Variants in GPC5 observed in about 807,000 individuals in gnomAD.
GPC5 encodes the protein glypican-5.
A neutral mutation model predicts 53.9 loss-of-function variants in GPC5; 47 were observed. The ratio of observed to expected loss-of-function variants is 0.87; its 90% CI spans 0.69 to 1.11. GPC5 has a LOEUF of 1.11. Ranked by LOEUF, GPC5 falls within the 50% of genes most tolerant of loss-of-function variation. The pLI, the probability that GPC5 is intolerant of heterozygous loss-of-function variation, is 0.00. For synonymous variants in GPC5, 286 were observed against 263.3 expected (o/e 1.09, Z -0.84); for missense variants, 748 against 713.1 (o/e 1.05, Z -0.56).
chr13:91,969,563 A>G (rs549929069), intron 6 of GPC5, among the ~76,000 whole-genome samples: 1 of 152,308 alleles, frequency 6.6e-6, no homozygotes, highest in Admixed American at 6.5e-5. Context: ...CAAAGAGAAT[A>G]ATCAACAAAA....
chr13:92,637,477 G>A (rs1020849140), intron 7 of GPC5, among the ~76,000 whole-genome samples: 1 of 152,178 alleles, frequency 6.6e-6, no homozygotes, highest in Non-Finnish European at 1.5e-5. Flanking sequence ...AGCATCATAA[G>A]TAGTTTGTGT....
In GPC5 at chr13:92,613,334, T is replaced by TATAATATATTTATATATAATATAA. The variant is rs1566320041; in HGVS notation, c.1562-252947_1562-252946insTAATATATTTATATATAATATAAA. Among the ~76,000 whole-genome samples the TATAATATATTTATATATAATATAA allele has an allele frequency of 1.9e-3, 195 of 105,120 alleles. 2 individuals carry two copies. The highest frequency in any genetic ancestry group is 8.1e-3 in the African/African-American group (192 of 23,648). The allele number at this position is 105,120 out of a possible 152,430, so 69.0% of individuals were successfully genotyped here. A position where few individuals can be genotyped will look rare whatever the true frequency, so the allele number is the denominator to read the frequency against. On this transcript the variant is annotated intron_variant, in intron 7 of 7. Transcript: ENST00000377067. ...GTATATAATAAATATTTATATAATA[T>TATAATATATTTATATATAATATAA]AATATATTTATATATAAATATATAA...
At chr13:92,173,433 A>C (rs996405342) in intron 7 of GPC5, among the ~76,000 whole-genome samples, 1 of 152,154 alleles carries the variant, frequency 6.6e-6, no homozygotes, top group African/African-American at 2.4e-5. Flanking sequence ...TTGCTTTTGT[A>C]CATGTGCTTT....
At chr13:92,315,726 T>C (rs774577934) in intron 7 of GPC5, among the ~76,000 whole-genome samples, 4 of 152,224 alleles carry the variant, frequency 2.6e-5, no homozygotes, top group Non-Finnish European at 4.4e-5. Context: ...GGATGAGATA[T>C]GGATTGGAAA....
chr13:92,241,181 T>C (rs779319796), intron 7 of GPC5: 1 of 152,056 alleles, frequency 6.6e-6, no homozygotes, highest in Non-Finnish European at 1.5e-5. Flanking sequence ...CAGAATCAAA[T>C]AAAAGAAGAT....
intron 7 of GPC5, among the ~76,000 whole-genome samples, chr13:92,626,385 G>A (rs758300153): frequency 1.3e-5 from 2 of 152,110 alleles, no homozygotes; most frequent in Non-Finnish European, 2.9e-5. Context: ...GGATAGAGAC[G>A]AACACAGTCT....
At chr13:91,908,414 C>G (rs1258512852) in intron 6 of GPC5, among the ~76,000 whole-genome samples, 1 of 152,086 alleles carries the variant, frequency 6.6e-6, no homozygotes, top group East Asian at 1.9e-4. Context: ...CCAGAGTTAT[C>G]TTTCAGGTAA....
chr13:92,835,520 T>C (rs1357062088), intron 7 of GPC5, among the ~76,000 whole-genome samples: 1 of 152,064 alleles, frequency 6.6e-6, no homozygotes, highest in Admixed American at 6.6e-5. Context: ...TCATTACTTT[T>C]AATGACTGCG....
At chr13:91,786,963 G>T (rs2037889577) in intron 5 of GPC5, among the ~76,000 whole-genome samples, 1 of 146,926 alleles carries the variant, frequency 6.8e-6, no homozygotes. Context: ...TTTTTTTGAG[G>T]CTATTGTAAA....
chr13:92,695,138 T>C (rs529312024), intron 7 of GPC5, among the ~76,000 whole-genome samples: 1 of 152,326 alleles, frequency 6.6e-6, no homozygotes, highest in Non-Finnish European at 1.5e-5. Flanking sequence ...TTATAAATTA[T>C]CCAAACTCAG....
At chr13:91,609,610 T>G (rs1032959620) in intron 2 of GPC5, among the ~76,000 whole-genome samples, 5 of 152,174 alleles carry the variant, frequency 3.3e-5, no homozygotes, top group African/African-American at 1.2e-4. Context: ...AAAACAAATT[T>G]ATTACTCACA....
chr13:91,494,080 T>C (rs9556097), intron 2 of GPC5, among the ~76,000 whole-genome samples: 61,375 of 150,922 alleles, frequency 0.41, 12,671 homozygotes, highest in East Asian at 0.59. Context: ...TTAGTAGAGA[T>C]GGGGTTACAA....
chr13:91,670,014 CA>C (rs2035207985), intron 2 of GPC5, among the ~76,000 whole-genome samples: 2 of 152,208 alleles, frequency 1.3e-5, no homozygotes, highest in South Asian at 4.1e-4. Context: ...TGAGTGAACC[CA>C]AAGGAAAGGT....
intron 2 of GPC5, among the ~76,000 whole-genome samples, chr13:91,654,601 T>C (rs1428972899): frequency 2.0e-5 from 3 of 152,194 alleles, no homozygotes; most frequent in African/African-American, 7.2e-5. Flanking sequence ...CTCTGGTTAG[T>C]TGAATTGTGA....
At chr13:92,627,389 C>T (rs1252788713) in intron 7 of GPC5, among the ~76,000 whole-genome samples, 1 of 152,188 alleles carries the variant, frequency 6.6e-6, no homozygotes, top group Admixed American at 6.5e-5. Flanking sequence ...ATTGGTTGCA[C>T]TTTACACAGC....
At chr13:91,412,863 T>C (rs1008666552) in intron 1 of GPC5, among the ~76,000 whole-genome samples, 2 of 152,200 alleles carry the variant, frequency 1.3e-5, no homozygotes, top group East Asian at 1.9e-4. Context: ...AAGAAAGTAA[T>C]TGGACAAAAT....
intron 7 of GPC5, among the ~76,000 whole-genome samples, chr13:92,526,206 A>T (rs1881275556): frequency 6.6e-6 from 1 of 152,182 alleles, no homozygotes; most frequent in African/African-American, 2.4e-5. Flanking sequence ...TAGAACAATA[A>T]ACATGCAAAT....
chr13:91,909,341 A>T (rs781071670), intron 6 of GPC5, among the ~76,000 whole-genome samples: 5 of 152,188 alleles, frequency 3.3e-5, no homozygotes, highest in Non-Finnish European at 5.9e-5. Flanking sequence ...TTGATAATAA[A>T]ACCAAAAGAG....
At chr13:92,826,502 C>G (rs917791924) in intron 7 of GPC5, among the ~76,000 whole-genome samples, 3 of 152,032 alleles carry the variant, frequency 2.0e-5, no homozygotes, top group African/African-American at 7.2e-5. Context: ...GACTTCTGAC[C>G]CACACAAACT....
Sources: gnomAD v4.1 joint callset for allele counts (sites outside exome capture counted in the v4.1 genomes callset) on GRCh38, gnomAD v4.1.1 for gene constraint, MANE v1.5 for transcripts, NCBI Gene and HGNC (gene_info 2026-07-23, HGNC 2026-07-21) for gene names.